PLXNA4: variants seen among roughly 807,000 people sequenced by gnomAD.
The protein encoded by PLXNA4 is plexin-A4.
A neutral mutation model predicts 191.8 loss-of-function variants in PLXNA4; 44 were observed. The ratio of observed to expected loss-of-function variants is 0.23; its 90% CI spans 0.18 to 0.29. The LOEUF (loss-of-function observed/expected upper bound fraction) is 0.29. Ranked by LOEUF, PLXNA4 falls within the 10% of genes least tolerant of loss-of-function variation. PLXNA4 has a pLI of 1.00. For synonymous variants in PLXNA4, 1,082 were observed against 1,009.5 expected (o/e 1.07, Z -1.36); for missense variants, 1,800 against 2,488.8 (o/e 0.72, Z 5.89).
chr7:132,144,359 A>G (rs1037663872), intron 29 of PLXNA4, among the ~76,000 whole-genome samples: 2 of 152,200 alleles, frequency 1.3e-5, no homozygotes, highest in African/African-American at 4.8e-5. Flanking sequence ...AACCTGAAAT[A>G]CAAATTACTC....
At chr7:132,634,729 C>T (rs767746837) in intron 2 of PLXNA4, among the ~76,000 whole-genome samples, 2 of 152,192 alleles carry the variant, frequency 1.3e-5, no homozygotes, top group Non-Finnish European at 2.9e-5. Flanking sequence ...TTCTGGCCAC[C>T]ACCTCTCACG....
chr7:132,558,333 G>T (rs886697719), intron 1 of PLXNA4, among the ~76,000 whole-genome samples: 6 of 152,080 alleles, frequency 3.9e-5, no homozygotes, highest in African/African-American at 1.4e-4. Context: ...TCTATATTTG[G>T]TCATGTGATA....
chr7:132,515,067 G>A (rs1798884163), intron 1 of PLXNA4, among the ~76,000 whole-genome samples: 2 of 152,190 alleles, frequency 1.3e-5, no homozygotes, highest in Admixed American at 1.3e-4. Flanking sequence ...GATCAGGAAT[G>A]AGAAACTGGT....
intron 10 of PLXNA4, among the ~76,000 whole-genome samples, chr7:132,209,139 G>A (rs59259594): frequency 0.12 from 18,828 of 152,284 alleles, 1,212 homozygotes; most frequent in African/African-American, 0.14. Context: ...CTGTTGTCTG[G>A]AGTATCTTTG....
intron 2 of PLXNA4, among the ~76,000 whole-genome samples, chr7:132,593,224 T>C (rs1269103220): frequency 6.6e-6 from 1 of 152,244 alleles, no homozygotes; most frequent in Non-Finnish European, 1.5e-5. Flanking sequence ...TTGTGGAATC[T>C]AAATTAGCTC....
intron 3 of PLXNA4, among the ~76,000 whole-genome samples, chr7:132,459,460 A>C (rs956212119): frequency 3.3e-5 from 5 of 152,194 alleles, no homozygotes; most frequent in African/African-American, 1.2e-4. Flanking sequence ...GGAAAGACCA[A>C]AGAGCAATGA....
At chr7:132,189,597 C>A (rs1797024682) in intron 14 of PLXNA4, among the ~76,000 whole-genome samples, 1 of 152,108 alleles carries the variant, frequency 6.6e-6, no homozygotes, top group Non-Finnish European at 1.5e-5. Flanking sequence ...CCCAACATGC[C>A]CCAAGTCCTG....
At chr7:132,321,046 C>T (rs1802142181) in intron 3 of PLXNA4, among the ~76,000 whole-genome samples, 1 of 152,140 alleles carries the variant, frequency 6.6e-6, no homozygotes, top group Admixed American at 6.5e-5. Flanking sequence ...TCCTTGACGG[C>T]TGTCAGATGC....
chr7:132,386,941 T>A (rs148536377), intron 3 of PLXNA4, among the ~76,000 whole-genome samples: 1 of 152,246 alleles, frequency 6.6e-6, no homozygotes, highest in South Asian at 2.1e-4. Context: ...TGTAGATGGA[T>A]ACTTTTGTCA....
At chr7:132,269,294 A>G (rs1799971264) in intron 4 of PLXNA4, among the ~76,000 whole-genome samples, 1 of 152,216 alleles carries the variant, frequency 6.6e-6, no homozygotes, top group East Asian at 1.9e-4. Context: ...TTTTGAATAG[A>G]CTATTTTTTA....
At chr7:132,187,386 G>A in intron 15 of PLXNA4, 85 bp downstream of exon 15, 1 of 1,527,204 alleles carries the variant, frequency 6.5e-7, no homozygotes, top group Non-Finnish European at 8.8e-7. Context: ...CCAACTCTCT[G>A]CAATAAAAAC....
chr7:132,515,039 G>A (rs986902145), intron 1 of PLXNA4, among the ~76,000 whole-genome samples: 19 of 152,164 alleles, frequency 1.2e-4, no homozygotes, highest in Non-Finnish European at 7.4e-5. Context: ...AACGGGGGTC[G>A]GGAGGGCATA....
intron 2 of PLXNA4, among the ~76,000 whole-genome samples, chr7:132,503,834 C>A (rs1443910257): frequency 6.6e-6 from 1 of 152,192 alleles, no homozygotes; most frequent in Non-Finnish European, 1.5e-5. Flanking sequence ...ATACCCATGT[C>A]CTCATGAGAT....
intron 1 of PLXNA4, among the ~76,000 whole-genome samples, chr7:132,535,390 T>A (rs891171707): frequency 3.9e-5 from 6 of 152,130 alleles, no homozygotes; most frequent in Non-Finnish European, 8.8e-5. Context: ...GTTGGTGGGT[T>A]TCCATGGGAG....
In PLXNA4 at chr7:132,508,370, CA is replaced by C. The variant is rs1563141458; in HGVS notation, c.323del (p.Leu108ArgfsTer13). 1 of 1,614,164 alleles carries C rather than the reference CA, an allele frequency of 6.2e-7. No individual in the cohort carries two copies. On this transcript the variant is annotated frameshift_variant, in exon 2 of 32. Coordinates refer to ENST00000321063, the MANE Select transcript of PLXNA4 (RefSeq NM_020911.2). LOFTEE classifies it high-confidence loss of function. This position sits in a 1 kb window ranked among gnomAD's most constrained non-coding sequence, Gnocchi z 4.4. The stretch of plus-strand genomic sequence containing the variant: ...TCTTGTTGACATTGTTGGTGGTGGT[CA>C]GGGGCTCATTGCAGGTCTGGACGAT... ...PRIVQTCNEP[L>X]TTTNNVNKML...
chr7:132,228,238 C>T (rs1161984045), intron 6 of PLXNA4, 108 bp downstream of exon 6: 19 of 1,455,764 alleles, frequency 1.3e-5, no homozygotes, highest in Non-Finnish European at 9.4e-6. Flanking sequence ...CTTCTGCTGG[C>T]CGGGCTTGGC....
chr7:132,295,335 G>C (rs1370621640), intron 4 of PLXNA4, among the ~76,000 whole-genome samples: 1 of 152,162 alleles, frequency 6.6e-6, no homozygotes, highest in African/African-American at 2.4e-5. Flanking sequence ...TGCAGGCCAG[G>C]AATAGTCCAA....
chr7:132,250,859 C>T (rs751826828), intron 4 of PLXNA4, among the ~76,000 whole-genome samples: 22 of 152,114 alleles, frequency 1.4e-4, no homozygotes, highest in Non-Finnish European at 2.6e-4. Context: ...CATTTGATAC[C>T]CAGTCCCTAG....
chr7:132,524,637 A>G lies in PLXNA4; in HGVS notation c.-86-15858T>C, dbSNP rs546100284. ...GTCACCCAGGCTGGAGTGCAGTGGC[A>G]TGATCTCGGCTCACTACAACCTCTG... On this transcript the variant is annotated intron_variant, in intron 1 of 31. Transcript: ENST00000321063. Among the ~76,000 whole-genome samples the G allele has an allele frequency of 9.9e-5, 15 of 152,248 alleles. 1 individual carries two copies. In the East Asian group the frequency reaches 2.5e-3, roughly 26 times the overall value.
Sources: gnomAD v4.1 joint callset for allele counts (sites outside exome capture counted in the v4.1 genomes callset) on GRCh38, gnomAD v4.1.1 for gene constraint, Gnocchi (gnomAD v3.1) non-coding constraint, MANE v1.5 for transcripts, NCBI Gene and HGNC (gene_info 2026-07-23, HGNC 2026-07-21) for gene names.